The following MFSD2A variants were observed in gnomAD, a reference collection of about 807,000 sequenced individuals.
The protein encoded by MFSD2A is MFSD2 lysolipid transporter A, lysophospholipid, also known as sodium-dependent lysophosphatidylcholine symporter 1.
Under a neutral mutation model 64.7 loss-of-function variants are expected in MFSD2A, and 27 were observed. The observed-to-expected ratio is 0.42, with a 90% confidence interval of 0.31 to 0.58. The LOEUF is 0.58. Among genes scored for constraint, MFSD2A ranks in the 20% least tolerant of loss-of-function variants. The pLI is 0.18. For synonymous variants in MFSD2A, 258 were observed against 273.4 expected (o/e 0.94, Z 0.55); for missense variants, 474 against 679.5 (o/e 0.70, Z 3.36).
At chr1:39,967,302 G>C in intron 9 of MFSD2A, 133 bp downstream of exon 9, 1 of 810,830 alleles carries the variant, frequency 1.2e-6, no homozygotes, top group Non-Finnish European at 2.0e-6. Flanking sequence ...GCTTCTCAGG[G>C]TATTTGGTTG....
chr1:39,965,715 G>A lies in MFSD2A; in HGVS notation c.557-142G>A. On this transcript the variant is annotated intron_variant, in intron 5 of 13. Transcript: ENST00000372811. This position sits in a 1 kb window ranked among gnomAD's most constrained non-coding sequence, Gnocchi z 5.5. ...AGATGAGACCTGGAGAGGTGCATAT[G>A]CGTTCAAACCAAGGTGTCACCTACC... 1 of 1,221,322 alleles carries A rather than the reference G, an allele frequency of 8.2e-7. No individual in the cohort carries two copies. The allele number at this position is 1,221,322 out of a possible 1,614,324, so 75.7% of individuals were successfully genotyped here.
At position 39,965,082 on chromosome 1, in the gene MFSD2A, G is replaced by A. The variant is rs1645127399; in HGVS notation, c.354-129G>A. ...AGGCCCAGGATGGGTGGATTTGGCAGGAGTATGGGGAAGGAAGGAAGAGCT... is the reference window on the plus strand; with the variant it reads ...AGGCCCAGGATGGGTGGATTTGGCAAGAGTATGGGGAAGGAAGGAAGAGCT... On this transcript the variant is annotated intron_variant, in intron 3 of 13. Transcript: ENST00000372811. This position sits in a 1 kb window ranked among gnomAD's most constrained non-coding sequence, Gnocchi z 5.5. 4 of 1,308,184 alleles carry A rather than the reference G, an allele frequency of 3.1e-6. No individual in the cohort carries two copies. Among genetic ancestry groups the A allele is most frequent in the African/African-American group, 3.0e-5 (2 of 67,230 alleles). 81.0% of individuals were successfully genotyped at this position (1,308,184 alleles called of 1,614,324 possible). A position where few individuals can be genotyped will look rare whatever the true frequency, so the allele number is the denominator to read the frequency against.
At chr1:39,961,473 T>C (rs1255853336) in intron 3 of MFSD2A, among the ~76,000 whole-genome samples, 1 of 151,608 alleles carries the variant, frequency 6.6e-6, no homozygotes, top group Non-Finnish European at 1.5e-5. Flanking sequence ...CTCAGCCTCC[T>C]GAGTAGCTGG....
In MFSD2A at chr1:39,969,662, T is replaced by TC; in HGVS notation, c.*94_*95insC. On this transcript the variant is annotated 3_prime_UTR_variant, in exon 14 of 14. Coordinates refer to ENST00000372811, the MANE Select transcript of MFSD2A (RefSeq NM_032793.5). ...TGCTGAGCAGCTGGACTGCAGGTGC[T>TC]AGGAAGGGAACTGAAGACTCAAGGA... The TC allele has an allele frequency of 1.6e-6, 2 of 1,244,678 alleles. No homozygotes were observed. The highest frequency in any genetic ancestry group is 2.3e-6 in the Non-Finnish European group (2 of 880,528). 77.1% of individuals were successfully genotyped at this position (1,244,678 alleles called of 1,614,324 possible).
rs749488845 is a variant in MFSD2A at position 39,955,787 on chromosome 1, T to A, written c.93+402T>A. The stretch of plus-strand genomic sequence containing the variant: ...ACCTCCCACTCCACCCACCTACTCT[T>A]GCGCCTCAACTCTGCTGTTAGGGCC... On this transcript the variant is annotated intron_variant, in intron 1 of 13. Coordinates refer to ENST00000372811, the MANE Select transcript of MFSD2A (RefSeq NM_032793.5). The surrounding 1 kb of genome is among the most constrained non-coding windows in gnomAD (Gnocchi z 5.9). 5.0e-6 allele frequency: 2 copies of A among 403,450 alleles called. No individual in the cohort carries two copies. Among genetic ancestry groups the A allele is most frequent in the East Asian group, 7.1e-5 (1 of 14,126 alleles). The allele number at this position is 403,450 out of a possible 1,614,324, so 25.0% of individuals were successfully genotyped here.
Position 39,969,671 on chromosome 1 carries a change from A to G in MFSD2A, c.*103A>G. The G allele has an allele frequency of 8.7e-7, 1 of 1,153,194 alleles. No homozygotes were observed. Among genetic ancestry groups the G allele is most frequent in the Non-Finnish European group, 1.2e-6 (1 of 801,810 alleles). The allele number at this position is 1,153,194 out of a possible 1,614,324, so 71.4% of individuals were successfully genotyped here. Reference sequence around the variant, plus strand: ...GCTGGACTGCAGGTGCTAGGAAGGGAACTGAAGACTCAAGGAGGTGGCCCA... The same window carrying G: ...GCTGGACTGCAGGTGCTAGGAAGGGGACTGAAGACTCAAGGAGGTGGCCCA... On this transcript the variant is annotated 3_prime_UTR_variant, in exon 14 of 14. Coordinates refer to ENST00000372811, the MANE Select transcript of MFSD2A (RefSeq NM_032793.5).
intron 6 of MFSD2A, 56 bp downstream of exon 6, chr1:39,966,070 G>T: frequency 1.8e-5 from 29 of 1,592,196 alleles, no homozygotes; most frequent in Non-Finnish European, 2.4e-5. Context: ...GAGGTGGTTT[G>T]TAGTCATCCT....
chr1:39,955,524 TG>T lies in MFSD2A; in HGVS notation c.93+144del. On this transcript the variant is annotated intron_variant, in intron 1 of 13. Transcript: ENST00000372811. The surrounding 1 kb of genome is among the most constrained non-coding windows in gnomAD (Gnocchi z 5.9). ...GGAAGCCTACGAGCCAGAGAGGACC[TG>T]GGGGTGCCCTGGGACAGGGGGTGAC... 2.1e-6 allele frequency: 2 copies of T among 949,754 alleles called. No individual in the cohort carries two copies. Among genetic ancestry groups the T allele is most frequent in the Non-Finnish European group, 3.3e-6 (2 of 613,410 alleles). The allele number at this position is 949,754 out of a possible 1,614,324, so 58.8% of individuals were successfully genotyped here. A position where few individuals can be genotyped will look rare whatever the true frequency, so the allele number is the denominator to read the frequency against.
rs371239600 is a variant in MFSD2A, at chr1:39,955,370, C to A, written c.78C>A (p.Arg26=). 2.2e-4 allele frequency: 331 copies of A among 1,495,504 alleles called. No individual in the cohort carries two copies. The highest frequency in any genetic ancestry group is 2.8e-4 in the Non-Finnish European group (309 of 1,123,638). The allele number at this position is 1,495,504 out of a possible 1,614,324, so 92.6% of individuals were successfully genotyped here. ...LPTSILQSTE[R]PAQVKKEPKK... ...CCAGCATCCTCCAAAGCACTGAACG[C>A]CCGGCCCAGGTGAAGGTGAGGGCCC... is the stretch of plus-strand genomic sequence containing the variant. Residue 26 remains arginine (R), a synonymous_variant, in exon 1 of 14, where the codon CGC becomes CGA. Coordinates refer to ENST00000372811, the MANE Select transcript of MFSD2A (RefSeq NM_032793.5). The surrounding 1 kb of genome is among the most constrained non-coding windows in gnomAD (Gnocchi z 5.9).
At chr1:39,967,600 C>T (rs1287792120) in intron 9 of MFSD2A, 28 bp from the exon 10 acceptor site, 1 of 1,608,566 alleles carries the variant, frequency 6.2e-7, no homozygotes, top group Non-Finnish European at 8.5e-7. Context: ...TAAAGCACCT[C>T]CCTTTAACCC....
Position 39,966,916 on chromosome 1 carries a change from C to T in MFSD2A, c.911C>T (p.Thr304Ile), listed in dbSNP as rs756131069. The T allele has an allele frequency of 6.2e-7, 1 of 1,613,408 alleles. No homozygotes were observed. Among genetic ancestry groups the T allele is most frequent in the Non-Finnish European group, 8.5e-7 (1 of 1,180,040 alleles). ...YIKLITGFLF[T>I]SLAFMLVEGN... ...AAACTTATTACTGGCTTCCTCTTCA[C>T]CTCCTTGGCTTTCATGGTGAGTGGG... Residue 304 changes from threonine to isoleucine, a missense_variant, in exon 8 of 14, where the codon ACC becomes ATC. Thr to Ile is a moderately conservative substitution (Grantham distance 89). Coordinates refer to ENST00000372811, the MANE Select transcript of MFSD2A (RefSeq NM_032793.5).
chr1:39,956,932 A>G (rs940529394), intron 1 of MFSD2A, among the ~76,000 whole-genome samples, 155 bp from the exon 2 acceptor site: 1 of 150,568 alleles, frequency 6.6e-6, no homozygotes, highest in Non-Finnish European at 1.5e-5. Flanking sequence ...AAAAAAAAAA[A>G]AAAAAAAAAA....
At position 39,965,184 on chromosome 1, in the gene MFSD2A, C is replaced by T; in HGVS notation, c.354-27C>T. The stretch of plus-strand genomic sequence containing the variant: ...CTGGTCCTGGGCTCCAGCCTCCAGC[C>T]TCCACTCACACCCTCCTCTTCCTCA... On this transcript the variant is annotated intron_variant, in intron 3 of 13. Coordinates refer to ENST00000372811, the MANE Select transcript of MFSD2A (RefSeq NM_032793.5). The surrounding 1 kb of genome is among the most constrained non-coding windows in gnomAD (Gnocchi z 5.5). The T allele has an allele frequency of 6.8e-6, 11 of 1,613,620 alleles. No individual in the cohort carries two copies. The highest frequency in any genetic ancestry group is 9.3e-6 in the Non-Finnish European group (11 of 1,179,894).
chr1:39,965,644 G>T lies in MFSD2A; in HGVS notation c.556+95G>T. ...CCAGCTCTTTGCTCTGCTCTAGAGT[G>T]TGGGTGTGAAACCATCTTAAAAATA... On this transcript the variant is annotated intron_variant, in intron 5 of 13. Coordinates refer to ENST00000372811, the MANE Select transcript of MFSD2A (RefSeq NM_032793.5). This position sits in a 1 kb window ranked among gnomAD's most constrained non-coding sequence, Gnocchi z 5.5. The T allele has an allele frequency of 7.3e-7, 1 of 1,377,668 alleles. No homozygotes were observed. The highest frequency in any genetic ancestry group is 1.0e-6 in the Non-Finnish European group (1 of 973,734). The allele number at this position is 1,377,668 out of a possible 1,614,324, so 85.3% of individuals were successfully genotyped here. A position where few individuals can be genotyped will look rare whatever the true frequency, so the allele number is the denominator to read the frequency against.
chr1:39,966,623 C>T lies in MFSD2A; in HGVS notation c.737C>T (p.Ala246Val). 2.5e-6 allele frequency: 4 copies of T among 1,613,480 alleles called. No individual in the cohort carries two copies. The highest frequency in any genetic ancestry group is 1.1e-5 in the South Asian group (1 of 90,988). The change falls in exon 7 of 14, where the codon GCG becomes GTG. Residue 246 changes from alanine (A) to valine (V), a missense_variant. Transcript: ENST00000372811. ...RETQKAYLLA[A>V]GVIVCIYIIC... The stretch of plus-strand genomic sequence containing the variant: ...TAGCAAAAGGCATACCTGCTGGCAG[C>T]GGGGGTCATTGTCTGTATCTATATA...
Position 39,964,983 on chromosome 1 carries a change from C to G in MFSD2A, c.354-228C>G. The G allele has an allele frequency of 3.4e-6, 2 of 593,422 alleles. No homozygotes were observed. The highest frequency in any genetic ancestry group is 4.0e-5 in the South Asian group (2 of 49,422). 36.8% of individuals were successfully genotyped at this position (593,422 alleles called of 1,614,324 possible). A position where few individuals can be genotyped will look rare whatever the true frequency, so the allele number is the denominator to read the frequency against. ...TAGACTCAGGCTCTGACCTCACACT[C>G]CATGCCTAGGATTTCAGTCTGGGGT... is the stretch of plus-strand genomic sequence containing the variant. On this transcript the variant is annotated intron_variant, in intron 3 of 13. Coordinates refer to ENST00000372811, the MANE Select transcript of MFSD2A (RefSeq NM_032793.5). This position sits in a 1 kb window ranked among gnomAD's most constrained non-coding sequence, Gnocchi z 4.1.
rs778155366 is a variant in MFSD2A at position 39,955,441 on chromosome 1, G to T, written c.93+56G>T. 26 of 1,483,316 alleles carry T rather than the reference G, an allele frequency of 1.8e-5. No individual in the cohort carries two copies. The African/African-American group carries it at 3.0e-4, about 17-fold the overall frequency. 91.9% of individuals were successfully genotyped at this position (1,483,316 alleles called of 1,614,324 possible). ...AGGGGAGGGAGGAGGCGGAAATGGG[G>T]GATCAGGGGCGTCCCGGGGTCGGCC... On this transcript the variant is annotated intron_variant, in intron 1 of 13. Transcript: ENST00000372811. This position sits in a 1 kb window ranked among gnomAD's most constrained non-coding sequence, Gnocchi z 5.9.
intron 3 of MFSD2A, chr1:39,962,660 T>A: frequency 1.3e-6 from 1 of 794,594 alleles, no homozygotes; most frequent in Non-Finnish European, 2.1e-6. Flanking sequence ...GCCGGGGTCA[T>A]GGCCGTGGAC....
chr1:39,957,016 G>GTCCT, intron 1 of MFSD2A, 71 bp from the exon 2 acceptor site: 1 of 1,576,586 alleles, frequency 6.3e-7, no homozygotes, highest in Non-Finnish European at 8.7e-7. Flanking sequence ...CAGAGGGATG[G>GTCCT]TCCTTCCTGT....
Sources: gnomAD v4.1 joint callset for allele counts (sites outside exome capture counted in the v4.1 genomes callset) on GRCh38, gnomAD v4.1.1 for gene constraint, Gnocchi (gnomAD v3.1) non-coding constraint, MANE v1.5 for transcripts, NCBI Gene and HGNC (gene_info 2026-07-23, HGNC 2026-07-21) for gene names.